WASHC5: variants seen among roughly 807,000 people sequenced by gnomAD.
The protein encoded by WASHC5 is WASH complex subunit strumpellin.
Under a neutral mutation model 150.4 loss-of-function variants are expected in WASHC5, and 101 were observed. The ratio of observed to expected loss-of-function variants is 0.67; its 90% confidence interval spans 0.57 to 0.79. The LOEUF (loss-of-function observed/expected upper bound fraction) is 0.79. Among genes scored for constraint, WASHC5 ranks in the 30% least tolerant of loss-of-function variants. WASHC5 has a pLI of 0.00. For synonymous variants in WASHC5, 467 were observed against 491.2 expected (o/e 0.95, Z 0.65); for missense variants, 1,195 against 1,396.3 (o/e 0.86, Z 2.30).
Position 125,043,501 on chromosome 8 carries a change from T to C in WASHC5, c.2850+324A>G, listed in dbSNP as rs7014061. Among the ~76,000 whole-genome samples the C allele has an allele frequency of 8.7e-3, 1,323 of 152,286 alleles. 18 individuals carry two copies. Among genetic ancestry groups the C allele is most frequent in the African/African-American group, 0.03 (1,244 of 41,546 alleles). ...AGATGAGGTGTGTATAAATGAACTT[T>C]GTTATGTAAAAAGGGAGTATTACTG... On this transcript the variant is annotated intron_variant, in intron 23 of 28. Transcript: ENST00000318410.
At chr8:125,050,487 T>C (rs569961954) in intron 18 of WASHC5, 77 bp downstream of exon 18, 16 of 955,792 alleles carry the variant, frequency 1.7e-5, no homozygotes, top group African/African-American at 1.6e-4. Flanking sequence ...TTGTTCGCGA[T>C]AGGTTAAAAA....
chr8:125,065,820 T>C (rs1481270978), intron 10 of WASHC5, among the ~76,000 whole-genome samples: 1 of 152,134 alleles, frequency 6.6e-6, no homozygotes, highest in African/African-American at 2.4e-5. Context: ...TTTTGCTATG[T>C]TGGCCAGACT....
At chr8:125,047,423 T>C in intron 19 of WASHC5, 92 bp from the exon 20 acceptor site, 2 of 1,286,300 alleles carry the variant, frequency 1.6e-6, no homozygotes, top group Non-Finnish European at 2.2e-6. Context: ...TAATATTGCA[T>C]AAAGAGTGAC....
chr8:125,062,369 A>G (rs1816621485), intron 11 of WASHC5, among the ~76,000 whole-genome samples: 1 of 152,226 alleles, frequency 6.6e-6, no homozygotes, highest in Non-Finnish European at 1.5e-5. Context: ...AAAAATGTAA[A>G]ATTGTTATTT....
chr8:125,034,048 TA>T (rs869288625), intron 26 of WASHC5, among the ~76,000 whole-genome samples: 12 of 122,478 alleles, frequency 9.8e-5, no homozygotes, highest in Admixed American at 3.3e-4. Context: ...AACTCTGTAA[TA>T]AAAAAAAAAT....
At position 125,074,034 on chromosome 8, in the gene WASHC5, G is replaced by A. The variant is rs1357196117; in HGVS notation, c.979-710C>T. 3.9e-5 allele frequency among the ~76,000 whole-genome samples: 6 copies of A among 152,148 alleles called. No homozygotes were observed. The South Asian group carries it at 8.3e-4, about 21-fold the overall frequency. On this transcript the variant is annotated intron_variant, in intron 8 of 28. Coordinates refer to ENST00000318410, the MANE Select transcript of WASHC5 (RefSeq NM_014846.4). ...AAAGCTTAGCAAAAAATACACCTTA[G>A]TATATCAAAAATGAATTTCCAAACC...
At chr8:125,071,701 C>A (rs1287006340) in intron 9 of WASHC5, among the ~76,000 whole-genome samples, 15 of 152,188 alleles carry the variant, frequency 9.9e-5, no homozygotes, top group Non-Finnish European at 2.2e-4. Flanking sequence ...CACCTGGTGT[C>A]TGTTTACTGC....
At chr8:125,043,616 C>T (rs772153379) in intron 23 of WASHC5, among the ~76,000 whole-genome samples, 18 of 152,138 alleles carry the variant, frequency 1.2e-4, no homozygotes, top group Non-Finnish European at 2.2e-4. Flanking sequence ...AAAAGGAAAA[C>T]GCTAGGCTCC....
chr8:125,057,732 G>T, intron 14 of WASHC5, 66 bp from the exon 15 acceptor site: 1 of 1,024,034 alleles, frequency 9.8e-7, no homozygotes, highest in African/African-American at 1.6e-5. Flanking sequence ...TTTCTTTCCA[G>T]AAAATGTAAC....
chr8:125,047,243 C>T lies in WASHC5; in HGVS notation c.2468G>A (p.Arg823Gln), dbSNP rs759203876. The T allele has an allele frequency of 8.1e-6, 13 of 1,613,862 alleles. No homozygotes were observed. In the Admixed American group the frequency reaches 1.5e-4, roughly 19 times the overall value. Residue 823 changes from arginine (R) to glutamine (Q), a missense_variant, in exon 20 of 29, where the codon CGA becomes CAA. This residue lies in a region of WASHC5 where 997 missense variants were observed against 1,168.1 expected (regional missense o/e 0.85). Coordinates refer to ENST00000318410, the MANE Select transcript of WASHC5 (RefSeq NM_014846.4). Reference protein sequence around the residue: ...PVDESVTFIGRLCREILRITD... With the variant: ...PVDESVTFIGQLCREILRITD... ...GATCCGCAGGATTTCTCTGCAGAGT[C>T]GACCAATAAACGTTACAGACTCATC...
chr8:125,034,699 G>A (rs753784188), intron 26 of WASHC5, among the ~76,000 whole-genome samples: 6 of 152,100 alleles, frequency 3.9e-5, no homozygotes, highest in Non-Finnish European at 5.9e-5. Context: ...TGTGAAGACC[G>A]GAAAATCTTC....
intron 1 of WASHC5, among the ~76,000 whole-genome samples, chr8:125,084,478 G>A (rs962305442): frequency 6.6e-6 from 1 of 152,204 alleles, no homozygotes; most frequent in Non-Finnish European, 1.5e-5. Context: ...GTAAGAACAT[G>A]TCCAAGATTC....
chr8:125,049,059 G>A lies in WASHC5; in HGVS notation c.2326C>T (p.Arg776Cys), dbSNP rs1399530728. The change falls in exon 19 of 29, where the codon CGT (arginine) becomes TGT (cysteine). Residue 776 changes from arginine (R) to cysteine (C), a missense_variant. Arg to Cys is a radical substitution (Grantham distance 180). Transcript: ENST00000318410. ...TGCTCCACGTTGTAATTTATGATAC[G>A]AGATACTTCTTCCTGCCAAATCTTC... ...GLKIWQEEVS[R>C]IINYNVEQEC... 5 of 1,613,550 alleles carry A rather than the reference G, an allele frequency of 3.1e-6. No individual in the cohort carries two copies. The highest frequency in any genetic ancestry group is 4.2e-6 in the Non-Finnish European group (5 of 1,179,764).
chr8:125,044,139 A>T (rs773860077), intron 21 of WASHC5, 45 bp from the exon 22 acceptor site: 1 of 1,288,592 alleles, frequency 7.8e-7, no homozygotes, highest in African/African-American at 1.5e-5. Flanking sequence ...ATAATGAATT[A>T]AACAAGCAAA....
At chr8:125,048,873 G>T in intron 19 of WASHC5, 133 bp downstream of exon 19, 1 of 712,874 alleles carries the variant, frequency 1.4e-6, no homozygotes, top group Non-Finnish European at 2.3e-6. Flanking sequence ...AACCCTCCTG[G>T]CTCCTGAAAG....
Position 125,038,833 on chromosome 8 carries a change from A to G in WASHC5, c.3081T>C (p.Asn1027=). ...LEAAGIHNPL[N]KIYITTKRLP... ...ATTATATATTTTAATTACTCACCTT[A>G]TTCAGTGGGTTGTGAATGCCAGCTG... The change falls in exon 25 of 29, where the codon AAT becomes AAC. Residue 1027 remains asparagine (N), a synonymous_variant. Transcript: ENST00000318410. The G allele has an allele frequency of 6.2e-7, 1 of 1,613,870 alleles. No homozygotes were observed. Among genetic ancestry groups the G allele is most frequent in the Non-Finnish European group, 8.5e-7 (1 of 1,179,854 alleles).
chr8:125,057,014 T>C (rs532264603), intron 15 of WASHC5, among the ~76,000 whole-genome samples, 197 bp from the exon 16 acceptor site: 8 of 152,308 alleles, frequency 5.3e-5, no homozygotes, highest in Middle Eastern at 3.4e-3. Flanking sequence ...CTAATCCTTC[T>C]AAAAATGCTG....
At chr8:125,032,176 A>T in intron 27 of WASHC5, 65 bp downstream of exon 27, 1 of 1,554,632 alleles carries the variant, frequency 6.4e-7, no homozygotes, top group Admixed American at 1.7e-5. Context: ...GGAATTTGGT[A>T]ATGTGAGGTT....
chr8:125,055,727 C>T lies in WASHC5; in HGVS notation c.2017-56G>A, dbSNP rs1816385063. On this transcript the variant is annotated intron_variant, in intron 16 of 28. Transcript: ENST00000318410. Reference sequence around the variant, plus strand: ...CACTGTCTAATAGTCCTGGAATGAACAAAGATAACAGGAAAAGAACTTGTA... The same window carrying T: ...CACTGTCTAATAGTCCTGGAATGAATAAAGATAACAGGAAAAGAACTTGTA... 2.9e-6 allele frequency: 3 copies of T among 1,038,522 alleles called. No individual in the cohort carries two copies. In the Admixed American group the frequency reaches 5.1e-5, roughly 18 times the overall value. 64.3% of individuals were successfully genotyped at this position (1,038,522 alleles called of 1,614,324 possible). A position where few individuals can be genotyped will look rare whatever the true frequency, so the allele number is the denominator to read the frequency against.
Sources: allele counts gnomAD v4.1 joint callset (sites outside exome capture counted in the v4.1 genomes callset), GRCh38; gene constraint gnomAD v4.1.1; regional missense constraint gnomAD v4.1.1; transcripts MANE v1.5; gene names NCBI Gene and HGNC (gene_info 2026-07-23, HGNC 2026-07-21).